ALDH6A1: variants seen among roughly 807,000 people sequenced by gnomAD.
ALDH6A1 encodes the protein methylmalonate-semialdehyde/malonate-semialdehyde dehydrogenase [acylating], mitochondrial.
Under a neutral mutation model 62.6 loss-of-function variants are expected in ALDH6A1, and 43 were observed. The ratio of observed to expected loss-of-function variants is 0.69; its 90% CI spans 0.54 to 0.89. ALDH6A1 has a LOEUF of 0.89. ALDH6A1 is among the 40% of genes least tolerant of loss of function. The pLI, the probability that ALDH6A1 is intolerant of heterozygous loss-of-function variation, is 0.00. For synonymous variants in ALDH6A1, 194 were observed against 234.2 expected (o/e 0.83, Z 1.57); for missense variants, 551 against 661.3 (o/e 0.83, Z 1.83).
At chr14:74,062,471 C>T (rs1221371162) in intron 11 of ALDH6A1, among the ~76,000 whole-genome samples, 1 of 151,828 alleles carries the variant, frequency 6.6e-6, no homozygotes, top group Admixed American at 6.6e-5. Context: ...TGTGGTGGCA[C>T]GTGCCTGTAA....
chr14:74,077,244 T>C (rs898070413), intron 1 of ALDH6A1, among the ~76,000 whole-genome samples: 3 of 152,206 alleles, frequency 2.0e-5, no homozygotes, highest in African/African-American at 7.2e-5. Flanking sequence ...AGCCCATTCC[T>C]GTCTGCTTCC....
rs186963818 is a variant in ALDH6A1 at position 74,059,275 on chromosome 14, T to C, written c.*1367A>G. 661 of 399,782 alleles carry C rather than the reference T, an allele frequency of 1.7e-3. 3 individuals are homozygous for C. The highest frequency in any genetic ancestry group is 3.2e-3 in the Middle Eastern group (9 of 2,776). The allele number at this position is 399,782 out of a possible 1,614,324, so 24.8% of individuals were successfully genotyped here. ...TAGAAATACAGGCAAGAGAAAAGAA[T>C]ATATAAAATTTGGCAAGTAATAGCA... On this transcript the variant is annotated 3_prime_UTR_variant, in exon 12 of 12. Transcript: ENST00000553458.
In ALDH6A1 at chr14:74,064,912, C is replaced by T. The variant is rs1271912078; in HGVS notation, c.1413G>A (p.Val471=). The part of the protein sequence containing the change: ...AHLVDVGQVG[V]NVPIPVPLPM... ...GCAAAGGCACTGGAATGGGGACATTCACTCCCACCTAAAACAGAACAAATC... is the reference window on the plus strand; with the variant it reads ...GCAAAGGCACTGGAATGGGGACATTTACTCCCACCTAAAACAGAACAAATC... Residue 471 remains valine, a synonymous_variant, in exon 11 of 12, where the codon GTG becomes GTA. Coordinates refer to ENST00000553458, the MANE Select transcript of ALDH6A1 (RefSeq NM_005589.4). 6.2e-7 allele frequency: 1 copy of T among 1,613,518 alleles called. No homozygotes were observed. The highest frequency in any genetic ancestry group is 8.5e-7 in the Non-Finnish European group (1 of 1,179,754).
chr14:74,066,499 T>C (rs568761816), intron 9 of ALDH6A1, among the ~76,000 whole-genome samples: 1 of 152,254 alleles, frequency 6.6e-6, no homozygotes, highest in African/African-American at 2.4e-5. Flanking sequence ...TTATGGAAAG[T>C]CTGCAGACTG....
intron 11 of ALDH6A1, among the ~76,000 whole-genome samples, chr14:74,061,691 G>A (rs1364242473): frequency 6.6e-6 from 1 of 152,066 alleles, no homozygotes; most frequent in East Asian, 1.9e-4. Flanking sequence ...AAGTATCTTA[G>A]AAATCTAAAG....
chr14:74,078,359 A>G (rs1391181087), intron 1 of ALDH6A1: 3 of 407,528 alleles, frequency 7.4e-6, no homozygotes, highest in Non-Finnish European at 1.5e-5. Flanking sequence ...AGAGGTATAT[A>G]CTTTTTTTTT....
Position 74,067,536 on chromosome 14 carries a change from C to T in ALDH6A1, c.886G>A (p.Ala296Thr), listed in dbSNP as rs781356251. The change falls in exon 8 of 12, where the codon GCC becomes ACC. Residue 296 changes from alanine (A) to threonine (T), a missense_variant. By Grantham distance (58) the Ala-to-Thr change is moderately conservative. Coordinates refer to ENST00000553458, the MANE Select transcript of ALDH6A1 (RefSeq NM_005589.4). ...TGGTTCAGGGTATTTTCCTTATTGG[C>T]ATCTGGCATGACTACCCCATGGTTC... The part of the protein sequence containing the change: ...AKNHGVVMPD[A>T]NKENTLNQLV... 6.2e-7 allele frequency: 1 copy of T among 1,614,136 alleles called. No homozygotes were observed. Among genetic ancestry groups the T allele is most frequent in the South Asian group, 1.1e-5 (1 of 91,082 alleles).
rs2060315402 is a variant in ALDH6A1, at chr14:74,060,497, T to G, written c.*145A>C. On this transcript the variant is annotated 3_prime_UTR_variant, in exon 12 of 12. Coordinates refer to ENST00000553458, the MANE Select transcript of ALDH6A1 (RefSeq NM_005589.4). ...ACTAGGCAGTTCCCTATAGAAACTT[T>G]GCGGGGGTTAATAGTCCTGAGGAAG... 5.6e-6 allele frequency: 4 copies of G among 712,698 alleles called. No individual in the cohort carries two copies. The highest frequency in any genetic ancestry group is 1.0e-5 in the Non-Finnish European group (4 of 389,116). The allele number at this position is 712,698 out of a possible 1,614,324, so 44.1% of individuals were successfully genotyped here. A position where few individuals can be genotyped will look rare whatever the true frequency, so the allele number is the denominator to read the frequency against.
Position 74,071,260 on chromosome 14 carries a change from G to A in ALDH6A1, c.665C>T (p.Ala222Val), listed in dbSNP as rs1204813068. The stretch of plus-strand genomic sequence containing the variant: ...GGCACCAGAATCCTGGAGCAACTTA[G>A]CAAGAAGCATAGTTGCTCCAGGGAC... ...ERVPGATMLL[A>V]KLLQDSGAPD... The change falls in exon 6 of 12, where the codon GCT becomes GTT. Residue 222 changes from alanine to valine, a missense_variant. By Grantham distance (64) the Ala-to-Val change is moderately conservative. Coordinates refer to ENST00000553458, the MANE Select transcript of ALDH6A1 (RefSeq NM_005589.4). The A allele has an allele frequency of 1.2e-6, 2 of 1,614,042 alleles. No individual in the cohort carries two copies. The highest frequency in any genetic ancestry group is 1.3e-5 in the African/African-American group (1 of 74,908).
rs1157685774 is a variant in ALDH6A1 at position 74,057,391 on chromosome 14, A to ATTAT, written c.*3250_*3251insATAA. The stretch of plus-strand genomic sequence containing the variant: ...ATCAGTGGAATGAGTAATAAATAGC[A>ATTAT]TTAGTAGATTACATAAATTTTTAAA... On this transcript the variant is annotated 3_prime_UTR_variant, in exon 12 of 12. Transcript: ENST00000553458. 5.2e-6 allele frequency: 8 copies of ATTAT among 1,539,104 alleles called. No homozygotes were observed. The highest frequency in any genetic ancestry group is 7.0e-6 in the Non-Finnish European group (8 of 1,144,498).
rs571057294 is a variant in ALDH6A1, at chr14:74,082,070, G to A, written c.48+2277C>T. On this transcript the variant is annotated intron_variant, in intron 1 of 11. Transcript: ENST00000553458. ...AAAAATACAAAAATTAGCTGGCATG[G>A]GGGCACGATCTGTTGTTGCAGCTAC... 1.4e-3 allele frequency among the ~76,000 whole-genome samples: 218 copies of A among 152,188 alleles called. 1 individual carries two copies. The highest frequency in any genetic ancestry group is 5.0e-3 in the African/African-American group (206 of 41,546).
chr14:74,081,722 C>A (rs2060669545), intron 1 of ALDH6A1, among the ~76,000 whole-genome samples: 1 of 152,122 alleles, frequency 6.6e-6, no homozygotes, highest in Non-Finnish European at 1.5e-5. Flanking sequence ...CCACAGTATC[C>A]CAGATACTCC....
At chr14:74,066,203 C>A in intron 9 of ALDH6A1, 1 of 169,394 alleles carries the variant, frequency 5.9e-6, no homozygotes, top group South Asian at 1.4e-4. Context: ...CATTAACAAA[C>A]CAGTATAAGA....
intron 1 of ALDH6A1, among the ~76,000 whole-genome samples, chr14:74,083,508 G>C (rs985295703): frequency 4.9e-5 from 7 of 142,724 alleles, no homozygotes; most frequent in Admixed American, 4.1e-4. Flanking sequence ...TGTAGCACTA[G>C]AAGAGCTGAT....
rs2060561010 is a variant in ALDH6A1, at chr14:74,072,284, A to G, written c.267T>C (p.Ala89=). ...MDAAIASCKR[A]FPAWADTSVL... ...CTGAAGTGTCTGCCCATGCAGGAAAAGCACGTTTGCAGGAAGCAATGGCTG... is the reference window on the plus strand; with the variant it reads ...CTGAAGTGTCTGCCCATGCAGGAAAGGCACGTTTGCAGGAAGCAATGGCTG... The change falls in exon 4 of 12, where the codon GCT becomes GCC. Residue 89 remains alanine, a synonymous_variant. Transcript: ENST00000553458. 1 of 1,614,230 alleles carries G rather than the reference A, an allele frequency of 6.2e-7. No homozygotes were observed. The highest frequency in any genetic ancestry group is 8.5e-7 in the Non-Finnish European group (1 of 1,180,032).
intron 1 of ALDH6A1, among the ~76,000 whole-genome samples, chr14:74,075,467 G>T (rs1231709295): frequency 6.6e-6 from 1 of 151,966 alleles, no homozygotes; most frequent in Admixed American, 6.6e-5. Context: ...AGACCACCCT[G>T]GGCAACATGG....
At chr14:74,072,940 C>T (rs2060570494) in intron 2 of ALDH6A1, among the ~76,000 whole-genome samples, 1 of 151,694 alleles carries the variant, frequency 6.6e-6, no homozygotes, top group Non-Finnish European at 1.5e-5. Context: ...GCTGAGATTA[C>T]AGACACCCGC....
chr14:74,071,626 C>T (rs1375933979), intron 5 of ALDH6A1, 129 bp from the exon 6 acceptor site: 3 of 1,569,118 alleles, frequency 1.9e-6, no homozygotes, highest in African/African-American at 1.4e-5. Context: ...CTGACTTGCC[C>T]TTCCAAGTTA....
chr14:74,059,295 A>G lies in ALDH6A1; in HGVS notation c.*1347T>C, dbSNP rs1187368078. On this transcript the variant is annotated 3_prime_UTR_variant, in exon 12 of 12. Transcript: ENST00000553458. ...AAGAATATATAAAATTTGGCAAGTA[A>G]TAGCAGGTTAGATTTGCTTAAGGCA... 1 of 433,160 alleles carries G rather than the reference A, an allele frequency of 2.3e-6. No homozygotes were observed. The highest frequency in any genetic ancestry group is 4.6e-6 in the Non-Finnish European group (1 of 217,028). 26.8% of individuals were successfully genotyped at this position (433,160 alleles called of 1,614,324 possible). A position where few individuals can be genotyped will look rare whatever the true frequency, so the allele number is the denominator to read the frequency against.
Sources: allele counts gnomAD v4.1 joint callset (sites outside exome capture counted in the v4.1 genomes callset), GRCh38; gene constraint gnomAD v4.1.1; transcripts MANE v1.5; gene names NCBI Gene and HGNC (gene_info 2026-07-23, HGNC 2026-07-21).